Variants in CFAP61 observed in about 807,000 individuals in gnomAD.
The protein encoded by CFAP61 is cilia and flagella associated protein 61.
In CFAP61, 107 loss-of-function variants were observed where a neutral mutation model predicts 135.6. The observed-to-expected ratio is 0.79, with a 90% CI of 0.67 to 0.93. The LOEUF (loss-of-function observed/expected upper bound fraction) is 0.93. Ranked by LOEUF, CFAP61 falls within the 40% of genes least tolerant of loss-of-function variation. CFAP61 has a pLI of 0.00. For missense variants in CFAP61, 1,507 were observed against 1,556.2 expected, an observed-to-expected ratio of 0.97 and a Z score of 0.53; for synonymous variants, 575 against 578.5, an observed-to-expected ratio of 0.99 and a Z score of 0.09.
At chr20:20,224,895 T>C (rs1377976577) in intron 17 of CFAP61, among the ~76,000 whole-genome samples, 1 of 152,192 alleles carries the variant, frequency 6.6e-6, no homozygotes, top group Admixed American at 6.5e-5. Context: ...TTTAATTCTG[T>C]CTATAAAATG....
intron 25 of CFAP61, among the ~76,000 whole-genome samples, chr20:20,305,106 G>A (rs560605778): frequency 2.9e-4 from 44 of 150,040 alleles, no homozygotes; most frequent in Non-Finnish European, 6.2e-4. Flanking sequence ...CCCGGCCCTC[G>A]CGCCCGCGCC....
chr20:20,228,479 G>C (rs768190868), intron 18 of CFAP61, 103 bp downstream of exon 18: 2 of 970,582 alleles, frequency 2.1e-6, no homozygotes, highest in East Asian at 2.4e-5. Flanking sequence ...AGATTGTTTG[G>C]TACTCCACAC....
At chr20:20,193,038 G>A (rs1318268685) in intron 15 of CFAP61, among the ~76,000 whole-genome samples, 4 of 152,164 alleles carry the variant, frequency 2.6e-5, no homozygotes, top group Admixed American at 1.3e-4. Context: ...TCACTTTGCA[G>A]AAGAGCATGA....
chr20:20,092,118 T>A (rs2146619630), intron 7 of CFAP61, among the ~76,000 whole-genome samples: 1 of 152,368 alleles, frequency 6.6e-6, no homozygotes, highest in African/African-American at 2.4e-5. Flanking sequence ...CCTTTTTAAA[T>A]CTGGAACAAT....
intron 9 of CFAP61, among the ~76,000 whole-genome samples, chr20:20,157,858 G>T (rs1015655301): frequency 6.6e-6 from 1 of 152,120 alleles, no homozygotes; most frequent in East Asian, 1.9e-4. Flanking sequence ...GAAAATATTT[G>T]CAAATTACAT....
intron 13 of CFAP61, among the ~76,000 whole-genome samples, chr20:20,177,954 C>T (rs1157397481): frequency 6.6e-6 from 1 of 152,020 alleles, no homozygotes; most frequent in Non-Finnish European, 1.5e-5. Context: ...CTATTTTTTG[C>T]TTCACTTCTC....
At chr20:20,077,996 C>T (rs1344008917) in intron 6 of CFAP61, among the ~76,000 whole-genome samples, 9 of 152,106 alleles carry the variant, frequency 5.9e-5, no homozygotes, top group Non-Finnish European at 2.9e-5. Context: ...GAATTTTCTC[C>T]GAAGAGACAG....
At chr20:20,329,981 G>C (rs1177623731) in intron 25 of CFAP61, among the ~76,000 whole-genome samples, 1 of 152,220 alleles carries the variant, frequency 6.6e-6, no homozygotes, top group Non-Finnish European at 1.5e-5. Flanking sequence ...ACCTCTGGAT[G>C]CTGGGCCCAC....
At chr20:20,225,021 G>A (rs763230137) in intron 17 of CFAP61, among the ~76,000 whole-genome samples, 5 of 152,156 alleles carry the variant, frequency 3.3e-5, no homozygotes, top group Admixed American at 6.5e-5. Flanking sequence ...AAAAGGAAAA[G>A]CTGGCTTGAC....
At chr20:20,199,138 C>A (rs994975128) in intron 16 of CFAP61, among the ~76,000 whole-genome samples, 9 of 152,086 alleles carry the variant, frequency 5.9e-5, no homozygotes, top group Admixed American at 3.3e-4. Context: ...AGTATAAATC[C>A]AACTCATAAT....
chr20:20,083,622 T>C (rs1213064970), intron 6 of CFAP61, among the ~76,000 whole-genome samples: 2 of 152,252 alleles, frequency 1.3e-5, no homozygotes, highest in Admixed American at 1.3e-4. Context: ...TCATGCTTTT[T>C]AGAAATCCAC....
intron 21 of CFAP61, chr20:20,265,400 C>A (rs1040283831): frequency 2.6e-6 from 2 of 779,642 alleles, no homozygotes; most frequent in African/African-American, 3.4e-5. Flanking sequence ...TTTGTATTGT[C>A]CTCTTGGTTC....
intron 13 of CFAP61, among the ~76,000 whole-genome samples, chr20:20,176,248 G>T (rs1267476640): frequency 2.0e-5 from 3 of 152,182 alleles, no homozygotes; most frequent in Non-Finnish European, 4.4e-5. Flanking sequence ...ATTTTACACT[G>T]TTGGTGGGTG....
At chr20:20,126,987 C>G (rs1368120879) in intron 8 of CFAP61, among the ~76,000 whole-genome samples, 1 of 151,356 alleles carries the variant, frequency 6.6e-6, no homozygotes, top group African/African-American at 2.4e-5. Flanking sequence ...GAATTTCTTT[C>G]TTCTGCTTGT....
At chr20:20,070,413 A>C (rs1222677764) in intron 2 of CFAP61, among the ~76,000 whole-genome samples, 1 of 152,182 alleles carries the variant, frequency 6.6e-6, no homozygotes, top group Non-Finnish European at 1.5e-5. Context: ...TAGTTTGCCC[A>C]GGACTTTCAT....
rs553297336 is a variant in CFAP61, at chr20:20,291,817, G to A, written c.3216+1426G>A. On this transcript the variant is annotated intron_variant, in intron 24 of 26. Transcript: ENST00000245957. ...ATTCTCTGACCCATAGTCCCAGCCCGGTGTGTGTTGTCATCTGGGGGCTTC... is the reference window on the plus strand; with the variant it reads ...ATTCTCTGACCCATAGTCCCAGCCCAGTGTGTGTTGTCATCTGGGGGCTTC... 4.1e-4 allele frequency among the ~76,000 whole-genome samples: 62 copies of A among 152,290 alleles called. 1 individual carries two copies. In the East Asian group the frequency reaches 8.9e-3, roughly 22 times the overall value.
intron 25 of CFAP61, among the ~76,000 whole-genome samples, chr20:20,329,649 T>C (rs912513911): frequency 6.6e-6 from 1 of 152,146 alleles, no homozygotes; most frequent in Non-Finnish European, 1.5e-5. Context: ...GGAGATAAAG[T>C]CCAAGCCCCA....
At chr20:20,338,451 T>C (rs968533224) in intron 25 of CFAP61, among the ~76,000 whole-genome samples, 2 of 152,144 alleles carry the variant, frequency 1.3e-5, no homozygotes, top group Non-Finnish European at 2.9e-5. Context: ...GAATGCTTTT[T>C]GTTAAAAAAA....
chr20:20,094,429 G>C (rs1460016632), intron 7 of CFAP61: 2 of 152,184 alleles, frequency 1.3e-5, no homozygotes, highest in African/African-American at 4.8e-5. Flanking sequence ...TTACTTATCA[G>C]GTTTAATCAG....
Sources: gnomAD v4.1 joint callset for allele counts (sites outside exome capture counted in the v4.1 genomes callset) on GRCh38, gnomAD v4.1.1 for gene constraint, MANE v1.5 for transcripts, NCBI Gene and HGNC (gene_info 2026-07-23, HGNC 2026-07-21) for gene names.